The following GULP1 variants were observed in gnomAD, a reference collection of about 807,000 sequenced individuals.
The protein encoded by GULP1 is GULP PTB domain containing engulfment adaptor 1.
Under a neutral mutation model 40.9 loss-of-function variants are expected in GULP1, and 19 were observed. That is an observed-to-expected ratio of 0.46 (90% CI 0.32 to 0.68). The LOEUF (loss-of-function observed/expected upper bound fraction) is 0.68, where lower values mean the gene tolerates loss of function less well. GULP1 is among the 30% of genes least tolerant of loss of function. The pLI is 0.03. For synonymous variants in GULP1, 119 were observed against 117.6 expected, an observed-to-expected ratio of 1.01 and a Z score of -0.08; for missense variants, 312 against 362.2, an observed-to-expected ratio of 0.86 and a Z score of 1.12.
chr2:188,294,589 AAAAC>A (rs764007504), intron 1 of GULP1, among the ~76,000 whole-genome samples: 32 of 152,126 alleles, frequency 2.1e-4, no homozygotes, highest in East Asian at 3.9e-4. Context: ...TTAAATGGTT[AAAAC>A]AAACAAACAA....
intron 4 of GULP1, among the ~76,000 whole-genome samples, chr2:188,492,936 T>G (rs762572807): frequency 6.6e-6 from 1 of 152,102 alleles, no homozygotes; most frequent in Non-Finnish European, 1.5e-5. Flanking sequence ...CTTAAATTTC[T>G]GCCTGGTAGC....
chr2:188,464,498 C>A (rs899680285), intron 2 of GULP1, among the ~76,000 whole-genome samples: 10 of 152,162 alleles, frequency 6.6e-5, no homozygotes, highest in African/African-American at 2.4e-4. Flanking sequence ...CTGCTGTAAA[C>A]CATTCCCTGG....
intron 4 of GULP1, among the ~76,000 whole-genome samples, chr2:188,517,977 C>T (rs2065359178): frequency 6.6e-6 from 1 of 151,972 alleles, no homozygotes; most frequent in Admixed American, 6.6e-5. Flanking sequence ...AATTAATTCC[C>T]TGGTCACGGC....
chr2:188,525,669 C>G (rs1477116169), intron 5 of GULP1, among the ~76,000 whole-genome samples: 9 of 152,128 alleles, frequency 5.9e-5, no homozygotes, highest in Admixed American at 5.9e-4. Context: ...GGCAGCATTC[C>G]TGGAACCCAG....
chr2:188,456,062 C>T (rs1012247031), intron 2 of GULP1, among the ~76,000 whole-genome samples: 3 of 152,168 alleles, frequency 2.0e-5, no homozygotes, highest in African/African-American at 4.8e-5. Context: ...AACAGCAAAG[C>T]ATTCAAGAGG....
Position 188,545,626 on chromosome 2 carries a change from C to T in GULP1, c.399+4308C>T, listed in dbSNP as rs150269369. Among the ~76,000 whole-genome samples the T allele has an allele frequency of 6.8e-3, 1,033 of 151,338 alleles. 8 individuals are homozygous for T. The highest frequency in any genetic ancestry group is 0.011 in the Non-Finnish European group (756 of 67,666). On this transcript the variant is annotated intron_variant, in intron 7 of 11. Transcript: ENST00000409830. Reference sequence around the variant, plus strand: ...CACTATAGAGAAATTAAAATGTTATCGTTTTAAAAGCCCATAGAGATGCAA... The same window carrying T: ...CACTATAGAGAAATTAAAATGTTATTGTTTTAAAAGCCCATAGAGATGCAA...
rs532255288 is a variant in GULP1 at position 188,514,350 on chromosome 2, C to T, written c.91-8406C>T. ...GTAGGAACTTAACTGTTGTTTATAT[C>T]GGTTAGCCTATGGTAAAATTGGTTG... On this transcript the variant is annotated intron_variant, in intron 4 of 11. Transcript: ENST00000409830. Among the ~76,000 whole-genome samples, 549 of 152,112 alleles carry T rather than the reference C, an allele frequency of 3.6e-3. 5 individuals are homozygous for T. Among genetic ancestry groups the T allele is most frequent in the African/African-American group, 0.013 (526 of 41,466 alleles).
chr2:188,358,519 A>G (rs1202145486), intron 1 of GULP1, among the ~76,000 whole-genome samples: 1 of 152,184 alleles, frequency 6.6e-6, no homozygotes. Flanking sequence ...AGAGTTGGTA[A>G]ACATTTGAGG....
chr2:188,340,411 C>T (rs986842861), intron 1 of GULP1, among the ~76,000 whole-genome samples: 3 of 152,150 alleles, frequency 2.0e-5, no homozygotes, highest in Non-Finnish European at 4.4e-5. Flanking sequence ...CTCTCTACCC[C>T]TCGCGGGAGG....
intron 2 of GULP1, among the ~76,000 whole-genome samples, chr2:188,463,383 A>G (rs2059867019): frequency 6.6e-6 from 1 of 152,136 alleles, no homozygotes; most frequent in Admixed American, 6.5e-5. Context: ...CTACTGTCAG[A>G]TGTATTGGAA....
intron 1 of GULP1, among the ~76,000 whole-genome samples, chr2:188,321,114 T>C (rs1574393575): frequency 6.6e-6 from 1 of 152,272 alleles, no homozygotes; most frequent in East Asian, 1.9e-4. Context: ...GAATTACCTA[T>C]TTCAAGCTTT....
At chr2:188,568,486 T>G (rs1391663377) in intron 7 of GULP1, among the ~76,000 whole-genome samples, 1 of 152,196 alleles carries the variant, frequency 6.6e-6, no homozygotes, top group Admixed American at 6.5e-5. Flanking sequence ...CAGTTTCAAA[T>G]CAATAGATCT....
At chr2:188,312,274 A>C (rs1468191798) in intron 1 of GULP1, among the ~76,000 whole-genome samples, 1 of 151,812 alleles carries the variant, frequency 6.6e-6, no homozygotes, top group Non-Finnish European at 1.5e-5. Context: ...GGTTTGCTGC[A>C]CCTATTGACC....
chr2:188,347,252 A>C (rs1434274312), intron 1 of GULP1, among the ~76,000 whole-genome samples: 6 of 152,182 alleles, frequency 3.9e-5, no homozygotes, highest in Non-Finnish European at 8.8e-5. Context: ...AATTGAAAAG[A>C]AGTTAAGTAA....
chr2:188,408,678 C>T (rs1027714422), intron 2 of GULP1, among the ~76,000 whole-genome samples: 4 of 152,120 alleles, frequency 2.6e-5, no homozygotes, highest in African/African-American at 9.7e-5. Flanking sequence ...ACCAGACAGA[C>T]ATATAAAGAA....
At chr2:188,417,381 C>T (rs962878508) in intron 2 of GULP1, among the ~76,000 whole-genome samples, 3 of 152,134 alleles carry the variant, frequency 2.0e-5, no homozygotes, top group African/African-American at 7.2e-5. Context: ...AGTTGTCTAC[C>T]TATTCTAGAT....
At chr2:188,382,194 G>C (rs2049082881) in intron 1 of GULP1, among the ~76,000 whole-genome samples, 1 of 152,122 alleles carries the variant, frequency 6.6e-6, no homozygotes, top group Non-Finnish European at 1.5e-5. Context: ...GGCCACAAGA[G>C]ACCACTTTGC....
intron 6 of GULP1, among the ~76,000 whole-genome samples, chr2:188,536,917 C>T (rs1172695371): frequency 2.4e-5 from 1 of 42,220 alleles, no homozygotes; most frequent in Non-Finnish European, 5.0e-5. Context: ...AGATGTATTA[C>T]TAGGTATTTT....
At chr2:188,379,507 A>G (rs1376626127) in intron 1 of GULP1, among the ~76,000 whole-genome samples, 1 of 152,168 alleles carries the variant, frequency 6.6e-6, no homozygotes, top group Non-Finnish European at 1.5e-5. Context: ...ATTAGCATCT[A>G]ACAAATATAC....
Sources: gnomAD v4.1 joint callset for allele counts (sites outside exome capture counted in the v4.1 genomes callset) on GRCh38, gnomAD v4.1.1 for gene constraint, MANE v1.5 for transcripts, NCBI Gene and HGNC (gene_info 2026-07-23, HGNC 2026-07-21) for gene names.